Variants in NUDT4 observed in about 807,000 individuals in gnomAD.
NUDT4 encodes diphosphoinositol polyphosphate phosphohydrolase 2.
Under a neutral mutation model 23.1 loss-of-function variants are expected in NUDT4, and 5 were observed. The ratio of observed to expected loss-of-function variants is 0.22; its 90% CI spans 0.11 to 0.46. NUDT4 has a LOEUF of 0.46. Among genes scored for constraint, NUDT4 ranks in the 20% least tolerant of loss-of-function variants. NUDT4 has a pLI of 0.99. For missense variants in NUDT4, 96 were observed against 211.6 expected, an observed-to-expected ratio of 0.45 and a Z score of 3.39; for synonymous variants, 50 against 79.0, an observed-to-expected ratio of 0.63 and a Z score of 1.95.
In NUDT4 at chr12:93,403,969, A is replaced by T. The variant is rs1388040549; in HGVS notation, c.*4590A>T. 1 of 152,216 alleles carries T rather than the reference A, an allele frequency of 6.6e-6. No homozygotes were observed. The highest frequency in any genetic ancestry group is 2.4e-5 in the African/African-American group (1 of 41,458). The allele number at this position is 152,216 out of a possible 1,614,324, so 9.4% of individuals were successfully genotyped here. A position where few individuals can be genotyped will look rare whatever the true frequency, so the allele number is the denominator to read the frequency against. On this transcript the variant is annotated 3_prime_UTR_variant, in exon 5 of 5. Transcript: ENST00000415493. Reference sequence around the variant, plus strand: ...TCTCTAATTCTTCCACCTTGATATGATTTCAGCAAATTCTGATAACCCGGT... The same window carrying T: ...TCTCTAATTCTTCCACCTTGATATGTTTTCAGCAAATTCTGATAACCCGGT...
rs1407275775 is a variant in NUDT4, at chr12:93,404,346, TAC to T, written c.*4969_*4970del. 4.6e-5 allele frequency: 7 copies of T among 152,234 alleles called. No homozygotes were observed. Among genetic ancestry groups the T allele is most frequent in the East Asian group, 1.9e-4 (1 of 5,202 alleles). The allele number at this position is 152,234 out of a possible 1,614,324, so 9.4% of individuals were successfully genotyped here. A position where few individuals can be genotyped will look rare whatever the true frequency, so the allele number is the denominator to read the frequency against. On this transcript the variant is annotated 3_prime_UTR_variant, in exon 5 of 5. Coordinates refer to ENST00000415493, the MANE Select transcript of NUDT4 (RefSeq NM_019094.6). ...GCAATATATCCATATGGTGTAATATTACAGTCATTAGAAATGACATTTGCGTA... is the reference window on the plus strand; with the variant it reads ...GCAATATATCCATATGGTGTAATATTAGTCATTAGAAATGACATTTGCGTA...
chr12:93,391,887 A>G (rs765525358), intron 1 of NUDT4, among the ~76,000 whole-genome samples: 4 of 151,954 alleles, frequency 2.6e-5, no homozygotes, highest in Non-Finnish European at 5.9e-5. Context: ...ATTTATTTTT[A>G]TTTTTTATTT....
intron 1 of NUDT4, among the ~76,000 whole-genome samples, chr12:93,384,563 A>C (rs1875928326): frequency 6.6e-6 from 1 of 152,190 alleles, no homozygotes. Flanking sequence ...CTGGTAAGCT[A>C]AAAAAGTAAT....
In NUDT4 at chr12:93,403,133, T is replaced by C. The variant is rs1458414411; in HGVS notation, c.*3754T>C. On this transcript the variant is annotated 3_prime_UTR_variant, in exon 5 of 5. Coordinates refer to ENST00000415493, the MANE Select transcript of NUDT4 (RefSeq NM_019094.6). The stretch of plus-strand genomic sequence containing the variant: ...TCCTCCAGCCTCAGCCTTCTCAAAG[T>C]GCTAGGATGATTGGCATGAGCCACC... 1 of 151,752 alleles carries C rather than the reference T, an allele frequency of 6.6e-6. No individual in the cohort carries two copies. Among genetic ancestry groups the C allele is most frequent in the African/African-American group, 2.4e-5 (1 of 41,246 alleles). 9.4% of individuals were successfully genotyped at this position (151,752 alleles called of 1,614,324 possible).
chr12:93,380,955 TAA>T (rs1875617823), intron 1 of NUDT4: 1 of 152,284 alleles, frequency 6.6e-6, no homozygotes, highest in East Asian at 1.9e-4. Context: ...CAAATGGAAG[TAA>T]AAGAGTAATT....
Position 93,403,401 on chromosome 12 carries a change from C to T in NUDT4, c.*4022C>T, listed in dbSNP as rs1043915311. 2 of 152,198 alleles carry T rather than the reference C, an allele frequency of 1.3e-5. No homozygotes were observed. Among genetic ancestry groups the T allele is most frequent in the African/African-American group, 4.8e-5 (2 of 41,426 alleles). 9.4% of individuals were successfully genotyped at this position (152,198 alleles called of 1,614,324 possible). ...TGGTGCAATCTCAGCTTACTGTAAC[C>T]TCCGCCTGCCAGGTTCAAGCGATTC... is the stretch of plus-strand genomic sequence containing the variant. On this transcript the variant is annotated 3_prime_UTR_variant, in exon 5 of 5. Coordinates refer to ENST00000415493, the MANE Select transcript of NUDT4 (RefSeq NM_019094.6).
chr12:93,403,027 C>CT lies in NUDT4; in HGVS notation c.*3651dup, dbSNP rs35606767. 0.011 allele frequency: 1,118 copies of CT among 99,614 alleles called. 12 individuals carry two copies. The highest frequency in any genetic ancestry group is 0.029 in the East Asian group (105 of 3,684). 6.2% of individuals were successfully genotyped at this position (99,614 alleles called of 1,614,324 possible). ...GAGTATAAGAATTCTCTATAGGACT[C>CT]TTTAATTTTTTTTTTTTTTTGGTAG... is the stretch of plus-strand genomic sequence containing the variant. On this transcript the variant is annotated 3_prime_UTR_variant, in exon 5 of 5. Transcript: ENST00000415493.
intron 1 of NUDT4, among the ~76,000 whole-genome samples, chr12:93,384,122 G>A (rs1875891042): frequency 6.6e-6 from 1 of 151,940 alleles, no homozygotes; most frequent in African/African-American, 2.4e-5. Flanking sequence ...CATCACCAGC[G>A]AGGAGGACCC....
At chr12:93,393,614 C>T (rs1316713473) in intron 1 of NUDT4, among the ~76,000 whole-genome samples, 2 of 152,164 alleles carry the variant, frequency 1.3e-5, no homozygotes, top group Non-Finnish European at 2.9e-5. Context: ...ATTTGAATTT[C>T]ACATAATTTT....
chr12:93,390,450 T>C (rs1002345100), intron 1 of NUDT4, among the ~76,000 whole-genome samples: 5 of 152,216 alleles, frequency 3.3e-5, no homozygotes, highest in African/African-American at 1.2e-4. Context: ...GCCTCCAATT[T>C]TGAATAAAAT....
intron 3 of NUDT4, 55 bp from the exon 4 acceptor site, chr12:93,398,716 G>A: frequency 1.8e-5 from 22 of 1,233,026 alleles, no homozygotes; most frequent in Non-Finnish European, 2.5e-5. Flanking sequence ...CTTGGAAAAT[G>A]TGTCCATGGC....
At chr12:93,382,155 T>C in intron 1 of NUDT4, among the ~76,000 whole-genome samples, 1 of 151,360 alleles carries the variant, frequency 6.6e-6, no homozygotes, top group Non-Finnish European at 1.5e-5. Context: ...TCCCAGCTAC[T>C]CAGGAGGCTG....
intron 1 of NUDT4, among the ~76,000 whole-genome samples, chr12:93,387,056 C>T (rs533146812): frequency 2.0e-5 from 3 of 152,074 alleles, no homozygotes; most frequent in Non-Finnish European, 2.9e-5. Context: ...CTCAGCCTCC[C>T]GAGTAGCTGG....
intron 1 of NUDT4, chr12:93,378,630 A>G: frequency 8.2e-7 from 1 of 1,212,830 alleles, no homozygotes; most frequent in Non-Finnish European, 1.0e-6. Flanking sequence ...GGGCTCGCCC[A>G]GCCCCAGTTT....
At chr12:93,399,121 T>C (rs1592730119) in intron 4 of NUDT4, 56 bp from the exon 5 acceptor site, 16 of 1,312,056 alleles carry the variant, frequency 1.2e-5, no homozygotes, top group South Asian at 1.1e-4. Context: ...ACATTACTTA[T>C]ATGGCTTACT....
At chr12:93,394,786 C>T in intron 2 of NUDT4, 67 bp downstream of exon 2, 1 of 925,024 alleles carries the variant, frequency 1.1e-6, no homozygotes, top group Non-Finnish European at 1.7e-6. Flanking sequence ...CTACATAACA[C>T]TAAGACAGCG....
chr12:93,385,914 TTATA>T (rs71952346), intron 1 of NUDT4, among the ~76,000 whole-genome samples: 13,236 of 130,628 alleles, frequency 0.1, 1,011 homozygotes, highest in East Asian at 0.38. Context: ...TGTATAGATT[TTATA>T]TATATATATA....
At chr12:93,388,285 G>A (rs1371676672) in intron 1 of NUDT4, among the ~76,000 whole-genome samples, 1 of 152,176 alleles carries the variant, frequency 6.6e-6, no homozygotes, top group Non-Finnish European at 1.5e-5. Flanking sequence ...AATTTATAAT[G>A]ATATAGATTT....
At chr12:93,386,375 A>C (rs1184798623) in intron 1 of NUDT4, among the ~76,000 whole-genome samples, 5 of 152,078 alleles carry the variant, frequency 3.3e-5, no homozygotes, top group African/African-American at 1.2e-4. Context: ...TCAGGAGTTC[A>C]AAACCAGCCT....
Sources: allele counts gnomAD v4.1 joint callset (sites outside exome capture counted in the v4.1 genomes callset), GRCh38; gene constraint gnomAD v4.1.1; transcripts MANE v1.5; gene names NCBI Gene and HGNC (gene_info 2026-07-23, HGNC 2026-07-21).